The following CACNA2D3 variants were observed in gnomAD, a reference collection of about 807,000 sequenced individuals.
CACNA2D3 encodes the protein calcium voltage-gated channel auxiliary subunit alpha2delta 3, also known as voltage-dependent calcium channel subunit alpha-2/delta-3.
In CACNA2D3, 60 loss-of-function variants were observed where a neutral mutation model predicts 160.6. The observed-to-expected ratio is 0.37, with a 90% confidence interval of 0.30 to 0.46. The LOEUF (loss-of-function observed/expected upper bound fraction) is 0.46. Among genes scored for constraint, CACNA2D3 ranks in the 20% least tolerant of loss-of-function variants. CACNA2D3 has a pLI of 1.00. For missense variants in CACNA2D3, 1,205 were observed against 1,365.0 expected, an observed-to-expected ratio of 0.88 and a Z score of 1.85; for synonymous variants, 558 against 492.9, an observed-to-expected ratio of 1.13 and a Z score of -1.75.
intron 4 of CACNA2D3, among the ~76,000 whole-genome samples, chr3:54,461,681 G>A (rs1700507940): frequency 6.6e-6 from 1 of 151,354 alleles, no homozygotes. Flanking sequence ...TTCTTTATTA[G>A]TCTTGGTAGT....
intron 4 of CACNA2D3, among the ~76,000 whole-genome samples, chr3:54,467,130 A>C (rs1003904761): frequency 6.7e-6 from 1 of 149,946 alleles, no homozygotes; most frequent in African/African-American, 2.5e-5. Context: ...CCTGGCTGGC[A>C]AAAGGATACA....
Position 54,170,151 on chromosome 3 carries a change from T to C in CACNA2D3, c.204+46557T>C, listed in dbSNP as rs562332817. ...GTTGCAGTGAGCCGAGATTGCGCTA[T>C]TGCACTCCAGCCTGGGTGATAGAGT... is the stretch of plus-strand genomic sequence containing the variant. On this transcript the variant is annotated intron_variant, in intron 2 of 37. Transcript: ENST00000474759. Among the ~76,000 whole-genome samples, 9 of 150,382 alleles carry C rather than the reference T, an allele frequency of 6.0e-5. No individual in the cohort carries two copies. The East Asian group carries it at 1.8e-3, about 30-fold the overall frequency.
rs564116274 is a variant in CACNA2D3, at chr3:54,552,268, G to A, written c.545-10532G>A. ...CCATCCTGCCCTCTTTAATGTACGC[G>A]TATATCCTGAGTATTAAGTACTAAG... On this transcript the variant is annotated intron_variant, in intron 5 of 37. Transcript: ENST00000474759. Among the ~76,000 whole-genome samples, 13 of 152,194 alleles carry A rather than the reference G, an allele frequency of 8.5e-5. No homozygotes were observed. In the East Asian group the frequency reaches 1.2e-3, roughly 14 times the overall value.
At chr3:54,952,538 C>T (rs9834035) in intron 27 of CACNA2D3, among the ~76,000 whole-genome samples, 10,708 of 152,226 alleles carry the variant, frequency 0.07, 1,079 homozygotes, top group African/African-American at 0.22. Context: ...ATTAAGCAGA[C>T]GGAATGTCAA....
At chr3:55,008,924 C>CACACACAG (rs1559462312) in intron 33 of CACNA2D3, among the ~76,000 whole-genome samples, 6 of 148,608 alleles carry the variant, frequency 4.0e-5, no homozygotes, top group African/African-American at 1.3e-4. Context: ...CACACACACA[C>CACACACAG]AGGGGGCTTA....
At chr3:54,298,802 G>C (rs201537610) in intron 2 of CACNA2D3, among the ~76,000 whole-genome samples, 1,719 of 141,648 alleles carry the variant, frequency 0.012, 26 homozygotes, top group East Asian at 0.069. Context: ...GTGGAGGCCA[G>C]GTGGCTCCAG....
chr3:54,134,273 TTGG>T (rs1699774988), intron 2 of CACNA2D3, among the ~76,000 whole-genome samples: 1 of 152,000 alleles, frequency 6.6e-6, no homozygotes, highest in African/African-American at 2.4e-5. Context: ...CTTATCTCCT[TTGG>T]TGGTGAGCGG....
At chr3:54,215,408 C>T (rs1383729220) in intron 2 of CACNA2D3, among the ~76,000 whole-genome samples, 4 of 152,078 alleles carry the variant, frequency 2.6e-5, no homozygotes, top group African/African-American at 9.7e-5. Flanking sequence ...ACTATAGCAG[C>T]TATTCTGTGC....
intron 16 of CACNA2D3, among the ~76,000 whole-genome samples, chr3:54,842,963 G>A (rs1216064377): frequency 2.0e-5 from 3 of 151,178 alleles, no homozygotes; most frequent in Non-Finnish European, 2.9e-5. Context: ...GTTGAGAGGC[G>A]GAAAAGTGAG....
At chr3:54,541,687 C>T (rs1014572226) in intron 5 of CACNA2D3, among the ~76,000 whole-genome samples, 4 of 152,028 alleles carry the variant, frequency 2.6e-5, no homozygotes, top group African/African-American at 7.3e-5. Context: ...GTGGTGCTGC[C>T]GGAGGAAGTG....
intron 11 of CACNA2D3, among the ~76,000 whole-genome samples, chr3:54,651,584 G>C (rs753848282): frequency 2.0e-5 from 3 of 152,018 alleles, no homozygotes; most frequent in Non-Finnish European, 4.4e-5. Flanking sequence ...ATGGCTTAGG[G>C]GACCTGGCTC....
At chr3:54,786,844 T>A (rs558247653) in intron 13 of CACNA2D3, among the ~76,000 whole-genome samples, 1 of 152,298 alleles carries the variant, frequency 6.6e-6, no homozygotes, top group East Asian at 1.9e-4. Context: ...ATCTTACATA[T>A]CTTTGCATGT....
chr3:54,132,472 C>T (rs1699731934), intron 2 of CACNA2D3, among the ~76,000 whole-genome samples: 3 of 152,180 alleles, frequency 2.0e-5, no homozygotes, highest in Admixed American at 6.5e-5. Flanking sequence ...TCAGGAGCCA[C>T]CTGGTCGCCC....
At chr3:54,808,484 G>A (rs941307500) in intron 13 of CACNA2D3, among the ~76,000 whole-genome samples, 3 of 152,064 alleles carry the variant, frequency 2.0e-5, no homozygotes, top group Non-Finnish European at 4.4e-5. Context: ...AGTGGGAGAG[G>A]GGTGTAAATG....
intron 4 of CACNA2D3, among the ~76,000 whole-genome samples, chr3:54,407,805 G>A (rs920427433): frequency 1.3e-5 from 2 of 152,152 alleles, no homozygotes; most frequent in Non-Finnish European, 2.9e-5. Context: ...GCCTTGGCCT[G>A]GAGGTTGAGA....
At chr3:54,640,947 C>G (rs1483250121) in intron 10 of CACNA2D3, among the ~76,000 whole-genome samples, 1 of 152,020 alleles carries the variant, frequency 6.6e-6, no homozygotes, top group Non-Finnish European at 1.5e-5. Context: ...CAGTCCATAC[C>G]TGAAGGTAAG....
intron 9 of CACNA2D3, among the ~76,000 whole-genome samples, chr3:54,626,839 C>T (rs776066813): frequency 4.2e-4 from 64 of 152,248 alleles, no homozygotes; most frequent in Middle Eastern, 3.4e-3. Flanking sequence ...TGTGCACTGA[C>T]CTGTTCCTGG....
At chr3:54,511,932 C>T (rs143566660) in intron 5 of CACNA2D3, among the ~76,000 whole-genome samples, 120 of 152,258 alleles carry the variant, frequency 7.9e-4, no homozygotes, top group African/African-American at 2.3e-3. Flanking sequence ...CCTTCAGCAC[C>T]GTGAAAATTG....
intron 13 of CACNA2D3, among the ~76,000 whole-genome samples, chr3:54,812,940 C>G (rs1282507527): frequency 6.6e-6 from 1 of 152,190 alleles, no homozygotes; most frequent in Non-Finnish European, 1.5e-5. Context: ...AGCCAGGTCC[C>G]TGGTTTAAGG....
Sources: gnomAD v4.1 joint callset for allele counts (sites outside exome capture counted in the v4.1 genomes callset) on GRCh38, gnomAD v4.1.1 for gene constraint, MANE v1.5 for transcripts, NCBI Gene and HGNC (gene_info 2026-07-23, HGNC 2026-07-21) for gene names.